The following CALCR variants were observed in gnomAD, a reference collection of about 807,000 sequenced individuals.
CALCR encodes the protein calcitonin receptor.
Under a neutral mutation model 59.5 loss-of-function variants are expected in CALCR, and 47 were observed. The ratio of observed to expected loss-of-function variants is 0.79; its 90% CI spans 0.63 to 1.01. The LOEUF is 1.01. CALCR is among the 50% of genes least tolerant of loss of function. The pLI is 0.00. For synonymous variants in CALCR, 213 were observed against 211.3 expected (o/e 1.01, Z -0.07); for missense variants, 566 against 597.1 (o/e 0.95, Z 0.54).
At chr7:93,508,175 GT>G (rs1260191465) in intron 2 of CALCR, among the ~76,000 whole-genome samples, 4 of 152,150 alleles carry the variant, frequency 2.6e-5, no homozygotes, top group African/African-American at 9.7e-5. Context: ...AAAAATAAGT[GT>G]GCACTTATTT....
chr7:93,430,916 T>A (rs886378296), intron 13 of CALCR, among the ~76,000 whole-genome samples: 5 of 152,252 alleles, frequency 3.3e-5, no homozygotes, highest in Non-Finnish European at 7.4e-5. Flanking sequence ...GGCTTTCTTA[T>A]GTCTCTAGAA....
chr7:93,553,822 G>A lies in CALCR; in HGVS notation c.-27+20467C>T, dbSNP rs886332887. ...ATCATATTTGACTATACAAAAGGATGTCTGTGTGATCCAAAAGCAAGCAGG... is the reference window on the plus strand; with the variant it reads ...ATCATATTTGACTATACAAAAGGATATCTGTGTGATCCAAAAGCAAGCAGG... On this transcript the variant is annotated intron_variant, in intron 2 of 13. Coordinates refer to ENST00000426151, the MANE Select transcript of CALCR (RefSeq NM_001742.4). Among the ~76,000 whole-genome samples the A allele has an allele frequency of 2.0e-5, 3 of 152,094 alleles. No homozygotes were observed. In the East Asian group the frequency reaches 5.8e-4, roughly 29 times the overall value.
At chr7:93,470,850 G>A (rs1234927328) in intron 6 of CALCR, among the ~76,000 whole-genome samples, 1 of 151,388 alleles carries the variant, frequency 6.6e-6, no homozygotes, top group African/African-American at 2.4e-5. Flanking sequence ...ATGTACACAT[G>A]TGACATGCTG....
intron 3 of CALCR, among the ~76,000 whole-genome samples, chr7:93,486,677 AAATT>A (rs1325773541): frequency 6.6e-6 from 1 of 151,562 alleles, no homozygotes; most frequent in African/African-American, 2.4e-5. Context: ...GAGATGTCTA[AAATT>A]AATGCTAAAG....
At chr7:93,512,156 A>G (rs556034696) in intron 2 of CALCR, among the ~76,000 whole-genome samples, 7 of 152,304 alleles carry the variant, frequency 4.6e-5, no homozygotes, top group Admixed American at 1.3e-4. Flanking sequence ...ATAATGTTCA[A>G]TCTTCTTACT....
At chr7:93,446,308 T>G (rs908700803) in intron 8 of CALCR, among the ~76,000 whole-genome samples, 66 of 152,044 alleles carry the variant, frequency 4.3e-4, no homozygotes, top group African/African-American at 1.6e-3. Context: ...TCAAGCTGAC[T>G]ATTAGAATTT....
At chr7:93,460,600 T>TATAC (rs1800312076) in intron 8 of CALCR, among the ~76,000 whole-genome samples, 3 of 137,160 alleles carry the variant, frequency 2.2e-5, no homozygotes, top group East Asian at 2.1e-4. Flanking sequence ...TATGTATATA[T>TATAC]ATATATATAT....
chr7:93,520,583 T>C (rs555879314), intron 2 of CALCR, among the ~76,000 whole-genome samples: 59 of 152,262 alleles, frequency 3.9e-4, no homozygotes, highest in African/African-American at 1.4e-3. Context: ...ATAGCATTCC[T>C]CTCACCCTAC....
intron 2 of CALCR, among the ~76,000 whole-genome samples, chr7:93,528,842 C>G (rs1788749973): frequency 6.6e-6 from 1 of 152,158 alleles, no homozygotes; most frequent in Non-Finnish European, 1.5e-5. Flanking sequence ...TACCCCCATT[C>G]AAGTTGCTAA....
At chr7:93,467,280 T>G (rs1209133268) in intron 7 of CALCR, among the ~76,000 whole-genome samples, 1 of 151,778 alleles carries the variant, frequency 6.6e-6, no homozygotes, top group East Asian at 1.9e-4. Flanking sequence ...CTTTTTGCTT[T>G]ATCAGTCTTT....
chr7:93,430,411 T>A (rs1799634436), intron 13 of CALCR, among the ~76,000 whole-genome samples: 1 of 152,200 alleles, frequency 6.6e-6, no homozygotes, highest in South Asian at 2.1e-4. Context: ...AAAATTTATA[T>A]GCTCTATAAT....
At chr7:93,469,582 C>T (rs1423926254) in intron 6 of CALCR, among the ~76,000 whole-genome samples, 4 of 151,722 alleles carry the variant, frequency 2.6e-5, no homozygotes, top group Non-Finnish European at 5.9e-5. Context: ...CTCTCTCTCT[C>T]TCTTTCTCTC....
chr7:93,444,811 T>C (rs1255585625), intron 8 of CALCR, among the ~76,000 whole-genome samples: 1 of 152,126 alleles, frequency 6.6e-6, no homozygotes, highest in Non-Finnish European at 1.5e-5. Context: ...TACCAAATAC[T>C]CTGTTTTACA....
intron 2 of CALCR, among the ~76,000 whole-genome samples, chr7:93,511,997 G>A (rs369252917): frequency 7.9e-5 from 12 of 152,136 alleles, no homozygotes; most frequent in South Asian, 6.2e-4. Context: ...CCATAAATCC[G>A]CCCAGTTTTA....
intron 2 of CALCR, among the ~76,000 whole-genome samples, chr7:93,568,067 A>G (rs189370925): frequency 2.4e-3 from 367 of 152,302 alleles, no homozygotes; most frequent in African/African-American, 8.6e-3. Context: ...AATACTTTAC[A>G]TACTACATGG....
intron 6 of CALCR, among the ~76,000 whole-genome samples, chr7:93,471,909 T>C (rs1027148967): frequency 5.3e-5 from 8 of 151,240 alleles, no homozygotes; most frequent in African/African-American, 1.9e-4. Flanking sequence ...AGTGGACTGA[T>C]GAGATGCCCT....
chr7:93,461,279 T>G (rs747227623), intron 7 of CALCR, among the ~76,000 whole-genome samples: 4 of 152,114 alleles, frequency 2.6e-5, no homozygotes, highest in African/African-American at 9.7e-5. Flanking sequence ...ACTATTAGGG[T>G]CTGCAGTGTG....
At chr7:93,543,651 T>G (rs965365184) in intron 2 of CALCR, among the ~76,000 whole-genome samples, 56 of 130,806 alleles carry the variant, frequency 4.3e-4, no homozygotes, top group African/African-American at 1.4e-3. Flanking sequence ...TGGCCCATGA[T>G]TATATATATA....
At chr7:93,568,805 C>A (rs968996133) in intron 2 of CALCR, among the ~76,000 whole-genome samples, 12 of 151,844 alleles carry the variant, frequency 7.9e-5, no homozygotes, top group African/African-American at 2.9e-4. Context: ...TTTCTAGTAC[C>A]AAATTCTCTC....
Sources: gnomAD v4.1 joint callset for allele counts (sites outside exome capture counted in the v4.1 genomes callset) on GRCh38, gnomAD v4.1.1 for gene constraint, MANE v1.5 for transcripts, NCBI Gene and HGNC (gene_info 2026-07-23, HGNC 2026-07-21) for gene names.